The following PDSS2 variants were observed in gnomAD, a reference collection of about 807,000 sequenced individuals.
PDSS2 encodes the protein all trans-polyprenyl-diphosphate synthase PDSS2.
PDSS2 carries 31 observed loss-of-function variants against 44.5 expected under a neutral mutation model. The ratio of observed to expected loss-of-function variants is 0.70; its 90% CI spans 0.52 to 0.94. PDSS2 has a LOEUF of 0.94. Ranked by LOEUF, PDSS2 falls within the 40% of genes least tolerant of loss-of-function variation. The pLI is 0.00. For synonymous variants in PDSS2, 157 were observed against 180.3 expected (o/e 0.87, Z 1.03); for missense variants, 452 against 482.2 (o/e 0.94, Z 0.59).
At chr6:107,307,550 G>T (rs1433543793) in intron 2 of PDSS2, among the ~76,000 whole-genome samples, 1 of 150,946 alleles carries the variant, frequency 6.6e-6, no homozygotes, top group African/African-American at 2.4e-5. Context: ...ACAGGCAGTT[G>T]AGAGGGTGGC....
chr6:107,359,006 TC>T lies in PDSS2; in HGVS notation c.297-24675del, dbSNP rs1395483481. Among the ~76,000 whole-genome samples, 891 of 105,082 alleles carry T rather than the reference TC, an allele frequency of 8.5e-3. 11 individuals carry two copies. The highest frequency in any genetic ancestry group is 0.027 in the African/African-American group (748 of 27,802). The allele number at this position is 105,082 out of a possible 152,430, so 68.9% of individuals were successfully genotyped here. ...AAATCAGGAGCTTTAGCATTCTCGC[TC>T]TTTTTTTTTTTTTTTTTTTTTGAGA... On this transcript the variant is annotated intron_variant, in intron 1 of 7. Transcript: ENST00000369037.
chr6:107,191,380 G>A (rs1772375057), intron 7 of PDSS2, among the ~76,000 whole-genome samples: 1 of 152,184 alleles, frequency 6.6e-6, no homozygotes, highest in African/African-American at 2.4e-5. Context: ...AGGAGTTGGA[G>A]TCAAGAAAAT....
chr6:107,260,658 A>ATTTTTTT (rs540553793), intron 3 of PDSS2, among the ~76,000 whole-genome samples: 1 of 93,428 alleles, frequency 1.1e-5, no homozygotes, highest in African/African-American at 4.0e-5. Context: ...TTCCCCCTTC[A>ATTTTTTT]TTTTTTTTTT....
intron 1 of PDSS2, among the ~76,000 whole-genome samples, chr6:107,451,520 C>T (rs985486461): frequency 3.9e-5 from 6 of 152,238 alleles, no homozygotes; most frequent in African/African-American, 1.2e-4. Flanking sequence ...ATAAACCCCT[C>T]GTAGCCTCTG....
intron 2 of PDSS2, among the ~76,000 whole-genome samples, chr6:107,304,111 T>C (rs377012879): frequency 6.6e-6 from 1 of 152,208 alleles, no homozygotes. Context: ...TTCCCTTTTT[T>C]CTTGAAATGC....
intron 7 of PDSS2, among the ~76,000 whole-genome samples, chr6:107,163,057 T>A (rs1460347488): frequency 2.0e-5 from 3 of 152,210 alleles, no homozygotes; most frequent in Non-Finnish European, 4.4e-5. Flanking sequence ...CACTTTAATC[T>A]TTTTTCTGCT....
intron 1 of PDSS2, among the ~76,000 whole-genome samples, chr6:107,396,674 T>C (rs1779953649): frequency 8.7e-6 from 1 of 114,288 alleles, no homozygotes; most frequent in Non-Finnish European, 1.9e-5. Context: ...TCCTCTTCTT[T>C]TTTCTTTTTT....
At chr6:107,431,411 G>A (rs549761844) in intron 1 of PDSS2, among the ~76,000 whole-genome samples, 67 of 152,114 alleles carry the variant, frequency 4.4e-4, no homozygotes, top group South Asian at 2.3e-3. Context: ...CACCATGCCC[G>A]GCTAATTTTT....
chr6:107,301,849 G>A (rs574895174), intron 2 of PDSS2, among the ~76,000 whole-genome samples: 10 of 148,796 alleles, frequency 6.7e-5, no homozygotes, highest in South Asian at 4.3e-4. Flanking sequence ...CACTGAACTC[G>A]GGAGGTGGAG....
intron 2 of PDSS2, among the ~76,000 whole-genome samples, chr6:107,298,436 T>A (rs146583327): frequency 4.9e-4 from 74 of 152,228 alleles, no homozygotes; most frequent in African/African-American, 1.6e-3. Context: ...TACAAGAGGA[T>A]GCACAGTGGT....
chr6:107,430,591 C>T (rs1316493975), intron 1 of PDSS2, among the ~76,000 whole-genome samples: 1 of 152,124 alleles, frequency 6.6e-6, no homozygotes, highest in African/African-American at 2.4e-5. Flanking sequence ...AAGTGGATCA[C>T]CTGAGGTCAG....
At chr6:107,260,858 T>G (rs977218009) in intron 3 of PDSS2, among the ~76,000 whole-genome samples, 2 of 151,960 alleles carry the variant, frequency 1.3e-5, no homozygotes, top group Admixed American at 1.3e-4. Flanking sequence ...GAGATGGGGT[T>G]TCACCGTGTT....
At chr6:107,204,541 C>CT (rs1212087183) in intron 6 of PDSS2, among the ~76,000 whole-genome samples, 4 of 152,082 alleles carry the variant, frequency 2.6e-5, no homozygotes, top group Admixed American at 6.6e-5. Flanking sequence ...AATTAAGACA[C>CT]TTTTTTTTAA....
chr6:107,222,645 A>C (rs1262183113), intron 4 of PDSS2, among the ~76,000 whole-genome samples: 1 of 148,020 alleles, frequency 6.8e-6, no homozygotes, highest in Non-Finnish European at 1.5e-5. Context: ...ACAGAGCAAG[A>C]CTGTCTCAAA....
At chr6:107,167,674 T>A (rs1482967614) in intron 7 of PDSS2, among the ~76,000 whole-genome samples, 2 of 152,228 alleles carry the variant, frequency 1.3e-5, no homozygotes, top group Non-Finnish European at 2.9e-5. Flanking sequence ...TCTGGTATGT[T>A]GTGTCTTTGT....
chr6:107,364,559 C>T lies in PDSS2; in HGVS notation c.297-30227G>A, dbSNP rs1314290434. On this transcript the variant is annotated intron_variant, in intron 1 of 7. Transcript: ENST00000369037. The stretch of plus-strand genomic sequence containing the variant: ...CCGAGTGCGGGGCCCACCAAGCCCA[C>T]GCCCACCCGGAACTCCAGCTGGCCC... Among the ~76,000 whole-genome samples, 6 of 152,364 alleles carry T rather than the reference C, an allele frequency of 3.9e-5. No individual in the cohort carries two copies. In the East Asian group the frequency reaches 1.2e-3, roughly 29 times the overall value.
intron 2 of PDSS2, among the ~76,000 whole-genome samples, chr6:107,291,268 G>A (rs1359046840): frequency 2.0e-5 from 3 of 151,656 alleles, no homozygotes; most frequent in South Asian, 4.2e-4. Flanking sequence ...TGTATTTGGG[G>A]TTGGCCATGA....
chr6:107,427,738 T>C (rs1388919748), intron 1 of PDSS2, among the ~76,000 whole-genome samples: 1 of 152,236 alleles, frequency 6.6e-6, no homozygotes, highest in East Asian at 1.9e-4. Flanking sequence ...CTTATATTTT[T>C]GGAGGTTCCA....
chr6:107,210,518 G>C lies in PDSS2; in HGVS notation c.929C>G (p.Thr310Ser). 1.2e-6 allele frequency: 2 copies of C among 1,602,870 alleles called. No individual in the cohort carries two copies. Among genetic ancestry groups the C allele is most frequent in the Non-Finnish European group, 1.7e-6 (2 of 1,169,948 alleles). The change falls in exon 6 of 8, where the codon ACT becomes AGT. Residue 310 changes from threonine to serine, a missense_variant. Thr to Ser is a moderately conservative substitution (Grantham distance 58). Transcript: ENST00000369037. ...TACAGGAGCTGAGTTTAGATTAAAA[G>C]TCATGGAGTCACTGGTCTTTTCTTT... ...FIKEKTSDSM[T>S]FNLNSAPVVL...
Sources: gnomAD v4.1 joint callset for allele counts (sites outside exome capture counted in the v4.1 genomes callset) on GRCh38, gnomAD v4.1.1 for gene constraint, MANE v1.5 for transcripts, NCBI Gene and HGNC (gene_info 2026-07-23, HGNC 2026-07-21) for gene names.